GNA14: variants seen among roughly 807,000 people sequenced by gnomAD.
The protein encoded by GNA14 is G protein subunit alpha 14, also known as guanine nucleotide-binding protein subunit alpha-14.
A neutral mutation model predicts 42.0 loss-of-function variants in GNA14; 50 were observed. The ratio of observed to expected loss-of-function variants is 1.19; its 90% CI spans 0.95 to 1.51. The LOEUF is 1.51. Ranked by LOEUF, GNA14 falls within the 40% of genes most tolerant of loss-of-function variation. GNA14 has a pLI of 0.00. For missense variants in GNA14, 473 were observed against 446.2 expected, an observed-to-expected ratio of 1.06 and a Z score of -0.54; for synonymous variants, 173 against 163.1, an observed-to-expected ratio of 1.06 and a Z score of -0.46.
At position 77,447,519 on chromosome 9, in the gene GNA14, A is replaced by G. The variant is rs574594827; in HGVS notation, c.310-12997T>C. 2.2e-4 allele frequency among the ~76,000 whole-genome samples: 33 copies of G among 152,296 alleles called. 1 individual carries two copies. The highest frequency in any genetic ancestry group is 7.2e-4 in the African/African-American group (30 of 41,562). On this transcript the variant is annotated intron_variant, in intron 2 of 6. Coordinates refer to ENST00000341700, the MANE Select transcript of GNA14 (RefSeq NM_004297.4). Reference sequence around the variant, plus strand: ...TTCCTTTATCCAGATCTGAGCCCAGACATGGTATTATTAGAGAGGACAGGC... The same window carrying G: ...TTCCTTTATCCAGATCTGAGCCCAGGCATGGTATTATTAGAGAGGACAGGC...
At chr9:77,514,598 A>G (rs545192931) in intron 2 of GNA14, among the ~76,000 whole-genome samples, 2 of 147,666 alleles carry the variant, frequency 1.4e-5, no homozygotes, top group African/African-American at 5.0e-5. Flanking sequence ...AAAGTCTTCT[A>G]TAATATCAGA....
chr9:77,579,341 G>A (rs570385084), intron 1 of GNA14, among the ~76,000 whole-genome samples: 8 of 152,248 alleles, frequency 5.3e-5, no homozygotes, highest in African/African-American at 9.6e-5. Context: ...TGCAGGGCGC[G>A]TATGTGTAGG....
chr9:77,623,758 G>A (rs995911187), intron 1 of GNA14, among the ~76,000 whole-genome samples: 17 of 152,134 alleles, frequency 1.1e-4, no homozygotes, highest in Admixed American at 8.5e-4. Flanking sequence ...CTTTTCCGAC[G>A]GTCTTCGGAA....
At chr9:77,551,640 G>A (rs952288053) in intron 1 of GNA14, among the ~76,000 whole-genome samples, 3 of 151,786 alleles carry the variant, frequency 2.0e-5, no homozygotes, top group Admixed American at 6.6e-5. Flanking sequence ...CAGCCCCTAG[G>A]AAGAAATATA....
intron 1 of GNA14, among the ~76,000 whole-genome samples, chr9:77,557,838 T>C (rs1822813111): frequency 6.6e-6 from 1 of 152,204 alleles, no homozygotes; most frequent in Non-Finnish European, 1.5e-5. Flanking sequence ...AATGTTTTTA[T>C]ATTAGCTATT....
At chr9:77,455,660 A>C (rs1835986259) in intron 2 of GNA14, among the ~76,000 whole-genome samples, 7 of 152,204 alleles carry the variant, frequency 4.6e-5, no homozygotes, top group Admixed American at 4.6e-4. Context: ...GTCTCTGTTC[A>C]CATGATGCCC....
At chr9:77,468,030 T>C (rs1836266821) in intron 2 of GNA14, among the ~76,000 whole-genome samples, 1 of 152,120 alleles carries the variant, frequency 6.6e-6, no homozygotes, top group South Asian at 2.1e-4. Flanking sequence ...AAATAGCACT[T>C]CCACAACTCA....
At chr9:77,614,120 T>C (rs1324364946) in intron 1 of GNA14, among the ~76,000 whole-genome samples, 1 of 152,206 alleles carries the variant, frequency 6.6e-6, no homozygotes, top group Non-Finnish European at 1.5e-5. Context: ...TCAATGTACA[T>C]GTTCATGGTT....
At chr9:77,581,345 C>T (rs1258690615) in intron 1 of GNA14, among the ~76,000 whole-genome samples, 1 of 152,190 alleles carries the variant, frequency 6.6e-6, no homozygotes, top group Non-Finnish European at 1.5e-5. Context: ...AGCCAGACCT[C>T]CTGGCACCAC....
intron 1 of GNA14, among the ~76,000 whole-genome samples, chr9:77,542,749 G>C (rs763139622): frequency 6.6e-6 from 1 of 152,174 alleles, no homozygotes; most frequent in Admixed American, 6.5e-5. Context: ...GGTATCAGCA[G>C]GTTGGGTGAG....
intron 2 of GNA14, among the ~76,000 whole-genome samples, chr9:77,488,029 T>C (rs1037632353): frequency 1.3e-5 from 2 of 151,626 alleles, no homozygotes; most frequent in African/African-American, 4.8e-5. Flanking sequence ...TGTGGAAGAT[T>C]CAGGGAGAAA....
intron 1 of GNA14, among the ~76,000 whole-genome samples, chr9:77,600,999 G>A (rs1051249367): frequency 6.6e-6 from 1 of 152,174 alleles, no homozygotes; most frequent in African/African-American, 2.4e-5. Context: ...AGGGTCGTCC[G>A]AGAATCTCCG....
rs534783976 is a variant in GNA14 at position 77,436,182 on chromosome 9, G to A, written c.310-1660C>T. ...AGGAAAGTGAATGTAAACTCTTCCT[G>A]GAGACTGTAGGACCTTCAGGCAGGT... On this transcript the variant is annotated intron_variant, in intron 2 of 6. Coordinates refer to ENST00000341700, the MANE Select transcript of GNA14 (RefSeq NM_004297.4). Among the ~76,000 whole-genome samples the A allele has an allele frequency of 7.4e-4, 112 of 152,286 alleles. No homozygotes were observed. The Middle Eastern group carries it at 0.017, about 23-fold the overall frequency.
chr9:77,428,754 T>A (rs1835495306), intron 5 of GNA14, among the ~76,000 whole-genome samples, 153 bp downstream of exon 5: 1 of 152,206 alleles, frequency 6.6e-6, no homozygotes, highest in Admixed American at 6.5e-5. Flanking sequence ...GCCATGCAGG[T>A]GATGCCTGTG....
chr9:77,477,142 A>C (rs978481504), intron 2 of GNA14, among the ~76,000 whole-genome samples: 2 of 152,142 alleles, frequency 1.3e-5, no homozygotes, highest in African/African-American at 4.8e-5. Context: ...GGATTGCTTG[A>C]GGCCAGGAGC....
chr9:77,642,959 T>C (rs1304283294), intron 1 of GNA14, among the ~76,000 whole-genome samples: 2 of 152,120 alleles, frequency 1.3e-5, no homozygotes, highest in African/African-American at 4.8e-5. Flanking sequence ...CATCTTACCC[T>C]CACCATAGTT....
At chr9:77,540,685 T>C (rs1837649114) in intron 1 of GNA14, among the ~76,000 whole-genome samples, 1 of 152,108 alleles carries the variant, frequency 6.6e-6, no homozygotes, top group Non-Finnish European at 1.5e-5. Context: ...AAAGTTGTTA[T>C]TTCCTCTTGC....
chr9:77,492,285 G>T (rs987018246), intron 2 of GNA14, among the ~76,000 whole-genome samples: 1 of 151,156 alleles, frequency 6.6e-6, no homozygotes, highest in African/African-American at 2.4e-5. Context: ...TAGAAAGAAA[G>T]AAATAATGGA....
rs138312005 is a variant in GNA14 at position 77,637,502 on chromosome 9, C to A, written c.124+10168G>T. ...TATGGAAGGAATTTCTATATCTTAT[C>A]AGCAACCCTATAATTTTCTTAAATT... On this transcript the variant is annotated intron_variant, in intron 1 of 6. Transcript: ENST00000341700. 3.3e-5 allele frequency among the ~76,000 whole-genome samples: 5 copies of A among 152,332 alleles called. No homozygotes were observed. In the East Asian group the frequency reaches 9.6e-4, roughly 29 times the overall value.
Sources: allele counts gnomAD v4.1 joint callset (sites outside exome capture counted in the v4.1 genomes callset), GRCh38; gene constraint gnomAD v4.1.1; transcripts MANE v1.5; gene names NCBI Gene and HGNC (gene_info 2026-07-23, HGNC 2026-07-21).